Variants in CLTA observed in about 807,000 individuals in gnomAD.
CLTA encodes clathrin light chain A, also known as clathrin, light polypeptide (Lca).
A neutral mutation model predicts 26.9 loss-of-function variants in CLTA; 9 were observed. The ratio of observed to expected loss-of-function variants is 0.33; its 90% CI spans 0.20 to 0.58. The LOEUF is 0.58. CLTA is among the 20% of genes least tolerant of loss of function. The pLI, the probability that CLTA is intolerant of heterozygous loss-of-function variation, is 0.85. For missense variants in CLTA, 278 were observed against 294.2 expected (o/e 0.94, Z 0.40); for synonymous variants, 120 against 115.5 (o/e 1.04, Z -0.25).
intron 2 of CLTA, 84 bp from the exon 3 acceptor site, chr9:36,198,890 AAACAG>A (rs1274937125): frequency 1.2e-6 from 1 of 858,154 alleles, no homozygotes; most frequent in African/African-American, 1.7e-5. Context: ...AAAAAAAAAA[AAACAG>A]AACCAGGGGT....
chr9:36,198,544 G>A (rs796852370), intron 2 of CLTA, among the ~76,000 whole-genome samples: 54 of 151,840 alleles, frequency 3.6e-4, no homozygotes, highest in African/African-American at 1.3e-3. Flanking sequence ...GGCGGTAGTG[G>A]CATGTGCCTG....
In CLTA at chr9:36,204,195, T is replaced by C. The variant is rs769467414; in HGVS notation, c.485+16T>C. 12 of 1,603,584 alleles carry C rather than the reference T, an allele frequency of 7.5e-6. No homozygotes were observed. The highest frequency in any genetic ancestry group is 6.9e-5 in the Admixed American group (4 of 58,242). On this transcript the variant is annotated intron_variant, in intron 4 of 4. Transcript: ENST00000345519. The stretch of plus-strand genomic sequence containing the variant: ...CAAACAACAGGTCAGTCCGTGGTGG[T>C]TGTAGCACACTTTGTTTTCCAAAAT...
At chr9:36,210,739 G>A (rs977169487) in intron 4 of CLTA, 5 of 1,556,424 alleles carry the variant, frequency 3.2e-6, no homozygotes, top group Non-Finnish European at 4.4e-6. Context: ...GGCTTCAGCG[G>A]TGTTTGCCAC....
intron 1 of CLTA, among the ~76,000 whole-genome samples, chr9:36,196,985 G>A (rs1014048490): frequency 3.3e-5 from 5 of 152,290 alleles, no homozygotes; most frequent in Admixed American, 6.5e-5. Context: ...AGCAGCCTGG[G>A]CAGCATGGCG....
intron 4 of CLTA, among the ~76,000 whole-genome samples, chr9:36,204,928 A>G (rs985521527): frequency 8.5e-5 from 13 of 152,152 alleles, no homozygotes; most frequent in Non-Finnish European, 1.5e-4. Flanking sequence ...TGAATAGTCA[A>G]TCCATTCACT....
At chr9:36,200,331 G>A (rs1827331716) in intron 3 of CLTA, among the ~76,000 whole-genome samples, 1 of 152,032 alleles carries the variant, frequency 6.6e-6, no homozygotes, top group Non-Finnish European at 1.5e-5. Flanking sequence ...ATATGTTTTA[G>A]ACATACACAC....
Position 36,211,757 on chromosome 9 carries a change from G to T in CLTA, c.640G>T (p.Ala214Ser), listed in dbSNP as rs747907818. 1 of 1,611,600 alleles carries T rather than the reference G, an allele frequency of 6.2e-7. No homozygotes were observed. Among genetic ancestry groups the T allele is most frequent in the Admixed American group, 1.7e-5 (1 of 59,906 alleles). The part of the protein sequence containing the change: ...MRSVLISLKQ[A>S]PLVH ...CTCAGTCCTCATCTCCCTCAAGCAG[G>T]CCCCGCTGGTGCACTGAAGAGCCAC... The change falls in exon 5 of 5, where the codon GCC becomes TCC. Residue 214 changes from alanine to serine, a missense_variant. Physicochemically the swap from Ala to Ser is moderately conservative, Grantham distance 99. Coordinates refer to ENST00000345519, the MANE Select transcript of CLTA (RefSeq NM_001833.4).
intron 4 of CLTA, chr9:36,210,716 T>A: frequency 6.2e-7 from 1 of 1,606,508 alleles, no homozygotes; most frequent in Non-Finnish European, 8.5e-7. Context: ...GTCGCAGTGT[T>A]GTAGTGGCTC....
At chr9:36,204,028 T>C in intron 3 of CLTA, 40 bp from the exon 4 acceptor site, 12 of 1,611,830 alleles carry the variant, frequency 7.4e-6, no homozygotes, top group Non-Finnish European at 1.0e-5. Context: ...GTTTGCACTT[T>C]GCCTCAATTG....
chr9:36,191,736 G>T (rs1826736338), intron 1 of CLTA, among the ~76,000 whole-genome samples: 1 of 152,238 alleles, frequency 6.6e-6, no homozygotes, highest in African/African-American at 2.4e-5. Flanking sequence ...AAGTAGCAAT[G>T]CAGTTCAGCA....
intron 4 of CLTA, among the ~76,000 whole-genome samples, chr9:36,206,096 T>C (rs1272917870): frequency 6.6e-6 from 1 of 152,170 alleles, no homozygotes; most frequent in Non-Finnish European, 1.5e-5. Flanking sequence ...CTTAAAAGTT[T>C]AGTCCCTCCA....
chr9:36,204,058 C>T lies in CLTA; in HGVS notation c.374-10C>T, dbSNP rs762665897. On this transcript the variant is annotated splice_polypyrimidine_tract_variant and intron_variant, in intron 3 of 4. Coordinates refer to ENST00000345519, the MANE Select transcript of CLTA (RefSeq NM_001833.4). ...CAATTGTATTGTCTTTCTCTTCTCT[C>T]CCTTCAAAGATGCCAATTCTCGGAA... is the stretch of plus-strand genomic sequence containing the variant. 5 of 1,613,858 alleles carry T rather than the reference C, an allele frequency of 3.1e-6. No individual in the cohort carries two copies. The South Asian group carries it at 5.5e-5, about 18-fold the overall frequency.
chr9:36,197,540 A>G lies in CLTA; in HGVS notation c.218-11A>G. 1 of 1,609,562 alleles carries G rather than the reference A, an allele frequency of 6.2e-7. No individual in the cohort carries two copies. Among genetic ancestry groups the G allele is most frequent in the African/African-American group, 1.3e-5 (1 of 74,944 alleles). ...GTCCTTATTGATAGACCAAAATCTT[A>G]TGTCTTGCAGATGCTGTTGATGGAG... is the stretch of plus-strand genomic sequence containing the variant. On this transcript the variant is annotated splice_polypyrimidine_tract_variant and intron_variant, in intron 1 of 4. Transcript: ENST00000345519.
intron 4 of CLTA, among the ~76,000 whole-genome samples, chr9:36,208,631 G>T (rs1168947035): frequency 6.6e-6 from 1 of 152,210 alleles, no homozygotes; most frequent in Non-Finnish European, 1.5e-5. Context: ...ACAGTGTGGG[G>T]AAGCAGTAGT....
chr9:36,209,670 C>CA (rs1827927557), intron 4 of CLTA, among the ~76,000 whole-genome samples: 1 of 152,156 alleles, frequency 6.6e-6, no homozygotes, highest in Non-Finnish European at 1.5e-5. Context: ...TGCCCTGTTG[C>CA]CTGCCTGCCT....
In CLTA at chr9:36,191,276, G is replaced by A; in HGVS notation, c.217+3G>A. ...CGGCGAGCCGCCGGGGGGTCCGGGT[G>A]AGAGTGCGGGCGCGTTTGGGGCGAG... On this transcript the variant is annotated splice_donor_region_variant and intron_variant, in intron 1 of 4. Coordinates refer to ENST00000345519, the MANE Select transcript of CLTA (RefSeq NM_001833.4). 1 of 1,514,932 alleles carries A rather than the reference G, an allele frequency of 6.6e-7. No individual in the cohort carries two copies. Among genetic ancestry groups the A allele is most frequent in the Non-Finnish European group, 8.8e-7 (1 of 1,137,832 alleles). 93.8% of individuals were successfully genotyped at this position (1,514,932 alleles called of 1,614,324 possible).
At chr9:36,206,501 A>G (rs150507867) in intron 4 of CLTA, among the ~76,000 whole-genome samples, 4 of 152,020 alleles carry the variant, frequency 2.6e-5, no homozygotes, top group East Asian at 1.9e-4. Context: ...TCCATGTTTG[A>G]CTCTAAACTT....
At chr9:36,207,160 G>A (rs1273320594) in intron 4 of CLTA, among the ~76,000 whole-genome samples, 1 of 152,194 alleles carries the variant, frequency 6.6e-6, no homozygotes, top group Non-Finnish European at 1.5e-5. Context: ...GGGGGTGGGT[G>A]TGCTGTACTC....
In CLTA at chr9:36,209,993, A is replaced by G. The variant is rs537878389; in HGVS notation, c.486-1610A>G. 2.8e-4 allele frequency among the ~76,000 whole-genome samples: 43 copies of G among 152,374 alleles called. No homozygotes were observed. In the South Asian group the frequency reaches 8.3e-3, roughly 29 times the overall value. ...AAGCCCCCAGCTTTGAGATCAGGATAGTCAAAGTGTCTTGATACGGGCCAC... is the reference window on the plus strand; with the variant it reads ...AAGCCCCCAGCTTTGAGATCAGGATGGTCAAAGTGTCTTGATACGGGCCAC... On this transcript the variant is annotated intron_variant, in intron 4 of 4. Coordinates refer to ENST00000345519, the MANE Select transcript of CLTA (RefSeq NM_001833.4).
Sources: allele counts gnomAD v4.1 joint callset (sites outside exome capture counted in the v4.1 genomes callset), GRCh38; gene constraint gnomAD v4.1.1; transcripts MANE v1.5; gene names NCBI Gene and HGNC (gene_info 2026-07-23, HGNC 2026-07-21).